Variants in SIL1 observed in about 807,000 individuals in gnomAD.
The protein encoded by SIL1 is SIL1 nucleotide exchange factor, also known as nucleotide exchange factor SIL1.
Under a neutral mutation model 49.1 loss-of-function variants are expected in SIL1, and 40 were observed. That is an observed-to-expected ratio of 0.81 (90% confidence interval 0.63 to 1.06). The LOEUF (loss-of-function observed/expected upper bound fraction) is 1.06. Among genes scored for constraint, SIL1 ranks in the 50% least tolerant of loss-of-function variants. The pLI is 0.00. For missense variants in SIL1, 500 were observed against 572.6 expected (o/e 0.87, Z 1.29); for synonymous variants, 253 against 250.8 (o/e 1.01, Z -0.08).
At chr5:139,147,859 G>C (rs1751222652) in intron 1 of SIL1, among the ~76,000 whole-genome samples, 2 of 152,108 alleles carry the variant, frequency 1.3e-5, no homozygotes, top group African/African-American at 4.8e-5. Flanking sequence ...AAGATCCTTG[G>C]ACACTGGCAC....
chr5:138,991,338 T>C (rs1422586749), intron 7 of SIL1, among the ~76,000 whole-genome samples: 1 of 152,252 alleles, frequency 6.6e-6, no homozygotes, highest in East Asian at 1.9e-4. Context: ...AGGCTGTGTA[T>C]GCAAGTGAAA....
At chr5:139,069,921 G>A (rs538165459) in intron 3 of SIL1, among the ~76,000 whole-genome samples, 2 of 152,190 alleles carry the variant, frequency 1.3e-5, no homozygotes, top group African/African-American at 2.4e-5. Flanking sequence ...AAAGAACACT[G>A]ACAAAGTTAA....
intron 3 of SIL1, among the ~76,000 whole-genome samples, chr5:139,106,968 T>C (rs1770727083): frequency 6.6e-6 from 1 of 152,200 alleles, no homozygotes; most frequent in Admixed American, 6.5e-5. Context: ...GATTGGTGCT[T>C]AGGTAGGATA....
chr5:139,004,396 T>C (rs1768062769), intron 7 of SIL1, among the ~76,000 whole-genome samples: 1 of 152,200 alleles, frequency 6.6e-6, no homozygotes, highest in Admixed American at 6.5e-5. Flanking sequence ...ATTTCCTGAA[T>C]CAGAATTCAT....
At chr5:139,001,989 T>C (rs1005570731) in intron 7 of SIL1, among the ~76,000 whole-genome samples, 1 of 151,528 alleles carries the variant, frequency 6.6e-6, no homozygotes, top group African/African-American at 2.4e-5. Flanking sequence ...GGCAGGCCTA[T>C]CACTTGAGCT....
intron 1 of SIL1, among the ~76,000 whole-genome samples, chr5:139,172,631 C>A (rs901520545): frequency 6.9e-3 from 748 of 108,542 alleles, no homozygotes; most frequent in East Asian, 0.011. Context: ...GACTCCGTCT[C>A]AAAAAAAAAA....
intron 7 of SIL1, among the ~76,000 whole-genome samples, chr5:138,988,265 A>G (rs1767685035): frequency 6.6e-6 from 1 of 152,244 alleles, no homozygotes; most frequent in South Asian, 2.1e-4. Context: ...CAGTCCCAGC[A>G]CAATGGAGGG....
rs916147048 is a variant in SIL1, at chr5:139,111,492, C to T, written c.244+9543G>A. Among the ~76,000 whole-genome samples the T allele has an allele frequency of 2.0e-4, 30 of 152,162 alleles. 1 individual carries two copies. Among genetic ancestry groups the T allele is most frequent in the African/African-American group, 7.2e-4 (30 of 41,438 alleles). On this transcript the variant is annotated intron_variant, in intron 3 of 9. Transcript: ENST00000394817. ...CTCCAATGACCCCACCTCAGGGAAG[C>T]CTTTCCTTCAGTGTCCTCTGCATTC...
intron 7 of SIL1, among the ~76,000 whole-genome samples, chr5:138,959,467 G>C (rs1766971736): frequency 6.6e-6 from 1 of 152,172 alleles, no homozygotes; most frequent in Non-Finnish European, 1.5e-5. Context: ...GCTGAAATCT[G>C]CTCTCATGAA....
intron 7 of SIL1, among the ~76,000 whole-genome samples, chr5:139,010,660 T>G (rs1268585522): frequency 4.1e-5 from 6 of 147,898 alleles, no homozygotes; most frequent in South Asian, 2.2e-4. Flanking sequence ...GTCCTTTCTG[T>G]TTGTTAGTTT....
intron 7 of SIL1, among the ~76,000 whole-genome samples, chr5:138,983,198 CAAAAAAAAAAAAAA>C (rs33926268): frequency 7.1e-5 from 2 of 28,118 alleles, no homozygotes; most frequent in East Asian, 3.3e-3. Flanking sequence ...GACACTGTCT[CAAAAAAAAAAAAAA>C]AAAAAAAAAA....
chr5:139,112,438 G>A (rs1386746436), intron 3 of SIL1, among the ~76,000 whole-genome samples: 3 of 150,666 alleles, frequency 2.0e-5, no homozygotes, highest in Non-Finnish European at 4.4e-5. Flanking sequence ...TGAGATGTAG[G>A]GAGCGCCTCT....
At chr5:139,088,458 T>C (rs1441138799) in intron 3 of SIL1, among the ~76,000 whole-genome samples, 1 of 152,176 alleles carries the variant, frequency 6.6e-6, no homozygotes, top group Non-Finnish European at 1.5e-5. Flanking sequence ...CCACCTCCAC[T>C]ACCCCACCCA....
At chr5:139,076,422 A>G (rs746960655) in intron 3 of SIL1, among the ~76,000 whole-genome samples, 1 of 152,242 alleles carries the variant, frequency 6.6e-6, no homozygotes, top group Non-Finnish European at 1.5e-5. Context: ...GGAAAACAGA[A>G]TATGTTACCA....
intron 3 of SIL1, among the ~76,000 whole-genome samples, chr5:139,063,946 CCCT>C (rs1449132353): frequency 6.6e-6 from 1 of 152,186 alleles, no homozygotes; most frequent in Non-Finnish European, 1.5e-5. Flanking sequence ...TCTAAACATA[CCCT>C]TTGTTCTCAT....
chr5:138,959,505 T>C (rs2150383624), intron 7 of SIL1, among the ~76,000 whole-genome samples: 1 of 152,338 alleles, frequency 6.6e-6, no homozygotes, highest in East Asian at 1.9e-4. Flanking sequence ...CTATACCCTC[T>C]GGTCCTAAGT....
intron 5 of SIL1, among the ~76,000 whole-genome samples, chr5:139,040,455 C>T (rs1268214248): frequency 6.6e-6 from 1 of 151,030 alleles, no homozygotes; most frequent in African/African-American, 2.5e-5. Context: ...ATATTGGGAT[C>T]CCCTTGCAAG....
At position 139,174,799 on chromosome 5, in the gene SIL1, A is replaced by G. The variant is rs184748932; in HGVS notation, c.-11+23470T>C. Among the ~76,000 whole-genome samples the G allele has an allele frequency of 2.8e-3, 421 of 151,384 alleles. 1 individual carries two copies. The highest frequency in any genetic ancestry group is 9.9e-3 in the African/African-American group (408 of 41,222). The stretch of plus-strand genomic sequence containing the variant: ...CTAAAAATACAAAAATTAGCCGGGC[A>G]TCATGTTATGTGCCTGTAATCCCAG... On this transcript the variant is annotated intron_variant, in intron 1 of 9. Transcript: ENST00000394817.
chr5:139,079,121 T>C (rs1770015908), intron 3 of SIL1, among the ~76,000 whole-genome samples: 1 of 152,216 alleles, frequency 6.6e-6, no homozygotes, highest in Admixed American at 6.5e-5. Flanking sequence ...ATTTCACAAA[T>C]AGTGCATCCC....
Sources: gnomAD v4.1 joint callset for allele counts (sites outside exome capture counted in the v4.1 genomes callset) on GRCh38, gnomAD v4.1.1 for gene constraint, MANE v1.5 for transcripts, NCBI Gene and HGNC (gene_info 2026-07-23, HGNC 2026-07-21) for gene names.